CEP43: variants seen among roughly 807,000 people sequenced by gnomAD.
CEP43 encodes centrosomal protein 43, also known as FGFR1 oncogene partner.
CEP43 carries 36 observed loss-of-function variants against 52.6 expected under a neutral mutation model. That is an observed-to-expected ratio of 0.68 (90% CI 0.52 to 0.90). The LOEUF (loss-of-function observed/expected upper bound fraction) is 0.90, where lower values mean the gene tolerates loss of function less well. Ranked by LOEUF, CEP43 falls within the 40% of genes least tolerant of loss-of-function variation. The pLI is 0.00. For missense variants in CEP43, 506 were observed against 472.8 expected, an observed-to-expected ratio of 1.07 and a Z score of -0.65; for synonymous variants, 192 against 172.4, an observed-to-expected ratio of 1.11 and a Z score of -0.89.
chr6:167,002,627 G>A (rs529703202), intron 2 of CEP43, among the ~76,000 whole-genome samples: 1 of 152,276 alleles, frequency 6.6e-6, no homozygotes, highest in East Asian at 1.9e-4. Context: ...CAATTAATGT[G>A]GTCTTAAGGA....
At chr6:167,026,190 C>G (rs1463589561) in intron 9 of CEP43, among the ~76,000 whole-genome samples, 1 of 152,176 alleles carries the variant, frequency 6.6e-6, no homozygotes, top group Non-Finnish European at 1.5e-5. Context: ...TAGGGAAACC[C>G]TGTCTCTACT....
At chr6:167,001,505 G>C (rs1273416643) in intron 2 of CEP43, among the ~76,000 whole-genome samples, 1 of 152,056 alleles carries the variant, frequency 6.6e-6, no homozygotes, top group Non-Finnish European at 1.5e-5. Context: ...CTTATCCACA[G>C]TTGTCATTCT....
intron 8 of CEP43, among the ~76,000 whole-genome samples, chr6:167,024,452 T>G (rs1471688375): frequency 6.6e-6 from 1 of 152,046 alleles, no homozygotes; most frequent in Non-Finnish European, 1.5e-5. Context: ...GCTAGTAAAC[T>G]CCTGTATTGT....
At chr6:167,029,858 A>G (rs113219191) in intron 10 of CEP43, among the ~76,000 whole-genome samples, 52 of 152,298 alleles carry the variant, frequency 3.4e-4, no homozygotes, top group African/African-American at 1.2e-3. Flanking sequence ...GTTAAGAGCA[A>G]TGTTTTGAGG....
At position 166,999,506 on chromosome 6, in the gene CEP43, C is replaced by A; in HGVS notation, c.94C>A (p.Arg32Ser). The A allele has an allele frequency of 1.4e-6, 2 of 1,448,430 alleles. No individual in the cohort carries two copies. Among genetic ancestry groups the A allele is most frequent in the Non-Finnish European group, 1.8e-6 (2 of 1,094,584 alleles). 89.7% of individuals were successfully genotyped at this position (1,448,430 alleles called of 1,614,324 possible). Residue 32 changes from arginine (R) to serine (S), a missense_variant, in exon 1 of 13, where the codon CGC (arginine) becomes AGC (serine). Physicochemically the swap from Arg to Ser is moderately radical, Grantham distance 110. Coordinates refer to ENST00000366847, the MANE Select transcript of CEP43 (RefSeq NM_007045.4). ...QTLENSGVLN[R>S]IKAELRAAVF... ...GCTGGAGAACAGCGGGGTCCTGAAC[C>A]GCATCAAGGTGAGGCCGGAGGCTGG...
intron 12 of CEP43, among the ~76,000 whole-genome samples, chr6:167,038,397 G>A (rs574757015): frequency 5.5e-4 from 83 of 152,240 alleles, no homozygotes; most frequent in Non-Finnish European, 1.0e-3. Flanking sequence ...GTTCTATACC[G>A]TCATATGAAA....
At chr6:167,017,444 A>T (rs1780128239) in intron 7 of CEP43, among the ~76,000 whole-genome samples, 1 of 152,174 alleles carries the variant, frequency 6.6e-6, no homozygotes, top group South Asian at 2.1e-4. Context: ...TATACGAGGG[A>T]CTTGAGCATC....
intron 8 of CEP43, 95 bp from the exon 9 acceptor site, chr6:167,024,687 A>G: frequency 1.2e-6 from 1 of 841,542 alleles, no homozygotes; most frequent in Non-Finnish European, 2.0e-6. Context: ...CACACGTATA[A>G]AATATCTTTA....
intron 12 of CEP43, among the ~76,000 whole-genome samples, chr6:167,037,774 C>A (rs1218689494): frequency 2.6e-5 from 4 of 152,188 alleles, no homozygotes; most frequent in African/African-American, 4.8e-5. Flanking sequence ...TATTCTTGTG[C>A]GTTATTACCT....
intron 5 of CEP43, among the ~76,000 whole-genome samples, chr6:167,008,635 TTTTTTTTA>T (rs1362304487): frequency 6.6e-6 from 1 of 151,816 alleles, no homozygotes; most frequent in Non-Finnish European, 1.5e-5. Context: ...ACCCGGCTAA[TTTTTTTTA>T]TTTTTTTATT....
intron 1 of CEP43, 92 bp downstream of exon 1, chr6:166,999,606 C>A (rs1018341440): frequency 1.0e-6 from 1 of 958,628 alleles, no homozygotes; most frequent in Non-Finnish European, 1.4e-6. Flanking sequence ...AGGCCGCCTC[C>A]CTGGCGAGGG....
At position 167,047,800 on chromosome 6, in the gene CEP43, A is replaced by G. The variant is rs1271558428; in HGVS notation, c.*7822A>G. ...GGTATGTGGTAAGAACATGAGACAC[A>G]GAATCAGAAACCATGGATTTCTGGT... is the stretch of plus-strand genomic sequence containing the variant. On this transcript the variant is annotated 3_prime_UTR_variant, in exon 13 of 13. Transcript: ENST00000366847. The G allele has an allele frequency of 6.6e-6, 1 of 152,096 alleles. No homozygotes were observed. The highest frequency in any genetic ancestry group is 2.4e-5 in the African/African-American group (1 of 41,398). 9.4% of individuals were successfully genotyped at this position (152,096 alleles called of 1,614,324 possible).
At position 167,030,744 on chromosome 6, in the gene CEP43, T is replaced by C. The variant is rs1221387921; in HGVS notation, c.989-1859T>C. 2.6e-5 allele frequency among the ~76,000 whole-genome samples: 4 copies of C among 152,214 alleles called. No homozygotes were observed. The South Asian group carries it at 8.3e-4, about 32-fold the overall frequency. ...TGACAGCCTTCTGCTTTCCTTACTT[T>C]CATTGTTGCCTCCTGTACACATATT... On this transcript the variant is annotated intron_variant, in intron 10 of 12. Coordinates refer to ENST00000366847, the MANE Select transcript of CEP43 (RefSeq NM_007045.4).
intron 8 of CEP43, among the ~76,000 whole-genome samples, chr6:167,024,360 T>C (rs1440701801): frequency 1.3e-5 from 2 of 152,194 alleles, no homozygotes; most frequent in Non-Finnish European, 2.9e-5. Context: ...AGGTTAGTGG[T>C]CATGACTTTA....
chr6:167,037,127 A>G, intron 12 of CEP43, among the ~76,000 whole-genome samples: 1 of 152,204 alleles, frequency 6.6e-6, no homozygotes, highest in South Asian at 2.1e-4. Flanking sequence ...TTAAATAGCC[A>G]TTTATTTCTA....
At chr6:167,027,841 T>G in intron 10 of CEP43, 4 of 985,168 alleles carry the variant, frequency 4.1e-6, no homozygotes, top group Non-Finnish European at 4.8e-6. Context: ...GTTTTCTTTT[T>G]ACGTTACTTT....
rs981789314 is a variant in CEP43 at position 167,023,502 on chromosome 6, C to A, written c.806+867C>A. Among the ~76,000 whole-genome samples the A allele has an allele frequency of 1.2e-4, 18 of 152,274 alleles. 1 individual carries two copies. The East Asian group carries it at 3.3e-3, about 28-fold the overall frequency. ...ACAGGTGGCATGACAGCCTGGAGGCCCCTGTTGCTGTGCTAAGTTAGAGAA... is the reference window on the plus strand; with the variant it reads ...ACAGGTGGCATGACAGCCTGGAGGCACCTGTTGCTGTGCTAAGTTAGAGAA... On this transcript the variant is annotated intron_variant, in intron 8 of 12. Transcript: ENST00000366847.
intron 7 of CEP43, among the ~76,000 whole-genome samples, chr6:167,018,885 A>G (rs1306681423): frequency 6.6e-6 from 1 of 152,240 alleles, no homozygotes; most frequent in Non-Finnish European, 1.5e-5. Context: ...ACATACGTAT[A>G]CAGATGGTCC....
chr6:167,040,755 C>T lies in CEP43; in HGVS notation c.*777C>T. The T allele has an allele frequency of 2.1e-6, 1 of 473,148 alleles. No individual in the cohort carries two copies. The highest frequency in any genetic ancestry group is 2.7e-6 in the Non-Finnish European group (1 of 366,160). 29.3% of individuals were successfully genotyped at this position (473,148 alleles called of 1,614,324 possible). A position where few individuals can be genotyped will look rare whatever the true frequency, so the allele number is the denominator to read the frequency against. Reference sequence around the variant, plus strand: ...GTAAAGATTCCTTGAAACTTAAATGCATCTGAAACCATTAAGCAGTGCTTT... The same window carrying T: ...GTAAAGATTCCTTGAAACTTAAATGTATCTGAAACCATTAAGCAGTGCTTT... On this transcript the variant is annotated 3_prime_UTR_variant, in exon 13 of 13. Coordinates refer to ENST00000366847, the MANE Select transcript of CEP43 (RefSeq NM_007045.4).
Sources: allele counts gnomAD v4.1 joint callset (sites outside exome capture counted in the v4.1 genomes callset), GRCh38; gene constraint gnomAD v4.1.1; transcripts MANE v1.5; gene names NCBI Gene and HGNC (gene_info 2026-07-23, HGNC 2026-07-21).